Variants in CSMD1 observed in about 807,000 individuals in gnomAD.
CSMD1 encodes the protein CUB and sushi domain-containing protein 1.
Under a neutral mutation model 417.5 loss-of-function variants are expected in CSMD1, and 213 were observed. The observed-to-expected ratio is 0.51, with a 90% CI of 0.46 to 0.57. CSMD1 has a LOEUF of 0.57. Ranked by LOEUF, CSMD1 falls within the 20% of genes least tolerant of loss-of-function variation. The pLI, the probability that CSMD1 is intolerant of heterozygous loss-of-function variation, is 0.00. For missense variants in CSMD1, 6,923 were observed against 4,529.7 expected, an observed-to-expected ratio of 1.53 and a Z score of -15.17; for synonymous variants, 2,862 against 1,736.8, an observed-to-expected ratio of 1.65 and a Z score of -16.11.
At chr8:3,891,688 G>A (rs200941471) in intron 5 of CSMD1, among the ~76,000 whole-genome samples, 14 of 150,024 alleles carry the variant, frequency 9.3e-5, no homozygotes, top group Admixed American at 1.3e-4. Flanking sequence ...GTCTCAAAAC[G>A]AAAAAAAAAG....
Position 3,348,027 on chromosome 8 carries a change from G to A in CSMD1, c.3439C>T (p.Arg1147Ter). 6.2e-7 allele frequency: 1 copy of A among 1,607,050 alleles called. No homozygotes were observed. ...TCTCCTTCAAACAGCTGGAAGCTTC[G>A]TGTTCTAAGGTGGATGCCCTTGCCG... ...EAGKGIHLRT[R>*]SFQLFEGDTL... Residue 1147 changes from arginine to a stop codon, truncating the protein, a stop_gained, in exon 22 of 70, where the codon CGA (arginine) becomes TGA (stop). Coordinates refer to ENST00000635120, the MANE Select transcript of CSMD1 (RefSeq NM_033225.6). LOFTEE classifies it high-confidence loss of function.
At chr8:3,744,239 C>G (rs1231538061) in intron 6 of CSMD1, among the ~76,000 whole-genome samples, 4 of 152,092 alleles carry the variant, frequency 2.6e-5, no homozygotes, top group Non-Finnish European at 5.9e-5. Context: ...GTGTGTGCAA[C>G]AGGAGCATGG....
At chr8:4,599,160 T>C (rs978925756) in intron 2 of CSMD1, among the ~76,000 whole-genome samples, 4 of 152,174 alleles carry the variant, frequency 2.6e-5, no homozygotes, top group Non-Finnish European at 5.9e-5. Context: ...GTACTGTATC[T>C]GTAGGGAGAA....
chr8:4,256,627 C>G (rs776957823), intron 3 of CSMD1, among the ~76,000 whole-genome samples: 6 of 152,136 alleles, frequency 3.9e-5, no homozygotes, highest in Non-Finnish European at 5.9e-5. Context: ...ATCAGTGAGA[C>G]CCATGAAAGG....
Position 3,396,151 on chromosome 8 carries a change from T to C in CSMD1, c.2593+43A>G, listed in dbSNP as rs372255599. ...AGAACCCAGATCTTTAGTTCTCCCA[T>C]GCATGCTGCCCTGCCGGGCTGTCAA... On this transcript the variant is annotated intron_variant, in intron 17 of 69. Transcript: ENST00000635120. The C allele has an allele frequency of 2.1e-5, 31 of 1,507,552 alleles. No homozygotes were observed. The Admixed American group carries it at 3.7e-4, about 18-fold the overall frequency. The allele number at this position is 1,507,552 out of a possible 1,614,324, so 93.4% of individuals were successfully genotyped here. A position where few individuals can be genotyped will look rare whatever the true frequency, so the allele number is the denominator to read the frequency against.
intron 5 of CSMD1, among the ~76,000 whole-genome samples, chr8:3,767,640 A>G (rs888667920): frequency 2.0e-5 from 3 of 152,230 alleles, no homozygotes; most frequent in African/African-American, 4.8e-5. Flanking sequence ...TATTCACGCA[A>G]TGCATACTGT....
intron 7 of CSMD1, among the ~76,000 whole-genome samples, chr8:3,625,939 C>T (rs527853733): frequency 6.6e-6 from 1 of 152,222 alleles, no homozygotes; most frequent in Admixed American, 6.5e-5. Flanking sequence ...AAAATGTTTT[C>T]CTTATAAAGC....
chr8:4,506,345 C>T (rs560391934), intron 2 of CSMD1, among the ~76,000 whole-genome samples: 6 of 151,898 alleles, frequency 4.0e-5, no homozygotes, highest in African/African-American at 7.3e-5. Flanking sequence ...TGGGTTAGAC[C>T]GTAGCACCCA....
In CSMD1 at chr8:4,656,972, A is replaced by G. The variant is rs953961871; in HGVS notation, c.86-19414T>C. 2.0e-5 allele frequency among the ~76,000 whole-genome samples: 3 copies of G among 152,188 alleles called. No individual in the cohort carries two copies. In the East Asian group the frequency reaches 5.8e-4, roughly 29 times the overall value. On this transcript the variant is annotated intron_variant, in intron 1 of 69. Coordinates refer to ENST00000635120, the MANE Select transcript of CSMD1 (RefSeq NM_033225.6). ...CATCACCCGATTCAGAACTCACATG[A>G]GGCACAAGAGATGGACGATCCTCAA...
intron 2 of CSMD1, among the ~76,000 whole-genome samples, chr8:4,469,516 A>T (rs1419810121): frequency 1.3e-5 from 2 of 152,152 alleles, no homozygotes; most frequent in African/African-American, 2.4e-5. Context: ...AACCAAACCT[A>T]TTCCTTCCGG....
chr8:4,974,626 A>G (rs138059453), intron 1 of CSMD1, among the ~76,000 whole-genome samples: 3,230 of 152,294 alleles, frequency 0.021, 48 homozygotes, highest in Non-Finnish European at 0.033. Flanking sequence ...AATTCTGTAT[A>G]TAATAGCAGG....
At chr8:4,188,641 C>A (rs988063250) in intron 3 of CSMD1, among the ~76,000 whole-genome samples, 4 of 151,850 alleles carry the variant, frequency 2.6e-5, no homozygotes, top group African/African-American at 9.7e-5. Context: ...TTTTATCTAT[C>A]GGAAAAATGA....
At chr8:3,911,877 C>A (rs538297136) in intron 5 of CSMD1, among the ~76,000 whole-genome samples, 1 of 152,346 alleles carries the variant, frequency 6.6e-6, no homozygotes, top group South Asian at 2.1e-4. Context: ...GTTCCATCTT[C>A]TTACCTCCGT....
chr8:3,320,561 C>A (rs1806084448), intron 23 of CSMD1, among the ~76,000 whole-genome samples: 1 of 152,118 alleles, frequency 6.6e-6, no homozygotes, highest in Admixed American at 6.5e-5. Context: ...AAGAAATTGT[C>A]CCACCATATG....
At position 4,635,725 on chromosome 8, in the gene CSMD1, A is replaced by G. The variant is rs73659181; in HGVS notation, c.302+1617T>C. On this transcript the variant is annotated intron_variant, in intron 2 of 69. Transcript: ENST00000635120. Reference sequence around the variant, plus strand: ...AGCGTTGATAATTGACAACAAAAAAAGTAACTGGCTTTTAAAGAGCATAAA... The same window carrying G: ...AGCGTTGATAATTGACAACAAAAAAGGTAACTGGCTTTTAAAGAGCATAAA... Among the ~76,000 whole-genome samples the G allele has an allele frequency of 1.9e-3, 289 of 152,268 alleles. 1 individual carries two copies. Among genetic ancestry groups the G allele is most frequent in the African/African-American group, 6.4e-3 (265 of 41,578 alleles).
At chr8:4,122,112 T>C (rs866769729) in intron 3 of CSMD1, among the ~76,000 whole-genome samples, 14 of 152,152 alleles carry the variant, frequency 9.2e-5, no homozygotes, top group Admixed American at 2.6e-4. Flanking sequence ...TTGTATCGTA[T>C]AGGATATCAG....
intron 3 of CSMD1, among the ~76,000 whole-genome samples, chr8:4,093,195 T>A (rs190415624): frequency 0.01 from 1,596 of 152,340 alleles, 20 homozygotes; most frequent in Non-Finnish European, 0.018. Context: ...AATTTGAAGT[T>A]TCACATTATG....
At chr8:4,604,928 G>A (rs1800788610) in intron 2 of CSMD1, among the ~76,000 whole-genome samples, 1 of 152,298 alleles carries the variant, frequency 6.6e-6, no homozygotes, top group East Asian at 1.9e-4. Context: ...GCGCATGTCA[G>A]ATTCTTTGCC....
intron 5 of CSMD1, among the ~76,000 whole-genome samples, chr8:3,754,688 C>G (rs1418738769): frequency 6.6e-6 from 1 of 152,214 alleles, no homozygotes; most frequent in Non-Finnish European, 1.5e-5. Flanking sequence ...CTTGTGACCT[C>G]AGGTGATCTG....
Sources: allele counts gnomAD v4.1 joint callset (sites outside exome capture counted in the v4.1 genomes callset), GRCh38; gene constraint gnomAD v4.1.1; transcripts MANE v1.5; gene names NCBI Gene and HGNC (gene_info 2026-07-23, HGNC 2026-07-21).